The following SBF2 variants were observed in gnomAD, a reference collection of about 807,000 sequenced individuals.
SBF2 encodes the protein SET binding factor 2, also known as myotubularin-related protein 13.
A neutral mutation model predicts 225.2 loss-of-function variants in SBF2; 112 were observed. The observed-to-expected ratio is 0.50, with a 90% CI of 0.43 to 0.58. The LOEUF (loss-of-function observed/expected upper bound fraction) is 0.58. Among genes scored for constraint, SBF2 ranks in the 20% least tolerant of loss-of-function variants. The pLI is 0.00. For missense variants in SBF2, 1,996 were observed against 2,206.2 expected (o/e 0.90, Z 1.91); for synonymous variants, 763 against 773.3 (o/e 0.99, Z 0.22).
chr11:9,833,598 T>C (rs1855541173), intron 26 of SBF2, among the ~76,000 whole-genome samples: 1 of 151,982 alleles, frequency 6.6e-6, no homozygotes. Context: ...TTTTTTGTAT[T>C]TTCAATAGAG....
chr11:9,846,296 A>C (rs1293106238), intron 23 of SBF2, among the ~76,000 whole-genome samples: 1 of 152,196 alleles, frequency 6.6e-6, no homozygotes, highest in Admixed American at 6.5e-5. Flanking sequence ...CCAATAGGAG[A>C]GATCCTTGAC....
At chr11:9,842,575 C>T (rs1564904731) in intron 25 of SBF2, 50 bp downstream of exon 25, 1 of 1,574,632 alleles carries the variant, frequency 6.4e-7, no homozygotes, top group Non-Finnish European at 8.7e-7. Context: ...GTCTCTTATT[C>T]ATATAAGAAA....
rs750756174 is a variant in SBF2, at chr11:9,785,177, G to A, written c.5179C>T (p.Arg1727Ter). The A allele has an allele frequency of 6.2e-7, 1 of 1,613,912 alleles. No homozygotes were observed. The highest frequency in any genetic ancestry group is 8.5e-7 in the Non-Finnish European group (1 of 1,180,028). Residue 1727 changes from arginine to a stop codon, truncating the protein, a stop_gained, in exon 37 of 40, where the codon CGA becomes TGA. Coordinates refer to ENST00000256190, the MANE Select transcript of SBF2 (RefSeq NM_030962.4). LOFTEE classifies it high-confidence loss of function. ...TGGCTATAGAGCGTGGCTGCTCTTCGCTCCACTCCATTGGATGGGGAGATG... is the reference window on the plus strand; with the variant it reads ...TGGCTATAGAGCGTGGCTGCTCTTCACTCCACTCCATTGGATGGGGAGATG... ...SSISPSNGVE[R>*]RAATLYSQYT...
chr11:10,048,325 A>G (rs1035303670), intron 2 of SBF2, among the ~76,000 whole-genome samples: 1 of 152,150 alleles, frequency 6.6e-6, no homozygotes, highest in Non-Finnish European at 1.5e-5. Flanking sequence ...AGAGTCCCCA[A>G]TGTCAAAATT....
chr11:9,827,369 A>G (rs1163432096), intron 28 of SBF2, among the ~76,000 whole-genome samples: 1 of 152,096 alleles, frequency 6.6e-6, no homozygotes, highest in Non-Finnish European at 1.5e-5. Flanking sequence ...CCCAAAAAAT[A>G]TTTTAAAAAT....
intron 34 of SBF2, among the ~76,000 whole-genome samples, chr11:9,789,719 TTATG>T (rs1405068346): frequency 2.6e-5 from 4 of 152,136 alleles, no homozygotes; most frequent in African/African-American, 9.7e-5. Flanking sequence ...ACATGAATCA[TTATG>T]TATACCCCAG....
chr11:10,173,475 G>T (rs557070677), intron 2 of SBF2, among the ~76,000 whole-genome samples: 70 of 152,356 alleles, frequency 4.6e-4, no homozygotes, highest in African/African-American at 1.6e-3. Context: ...CGCCGCACCA[G>T]GAGATTATAT....
chr11:10,240,374 T>C (rs1198462070), intron 1 of SBF2, among the ~76,000 whole-genome samples: 1 of 151,938 alleles, frequency 6.6e-6, no homozygotes, highest in Non-Finnish European at 1.5e-5. Context: ...ATAGGAAAGA[T>C]GGGAACTTAA....
intron 32 of SBF2, among the ~76,000 whole-genome samples, chr11:9,798,795 AC>A (rs1853294651): frequency 1.3e-5 from 2 of 151,900 alleles, no homozygotes; most frequent in African/African-American, 2.4e-5. Flanking sequence ...AAATACAAAA[AC>A]AAAATTTTAG....
At chr11:9,922,846 G>A (rs1863739407) in intron 16 of SBF2, among the ~76,000 whole-genome samples, 1 of 152,134 alleles carries the variant, frequency 6.6e-6, no homozygotes, top group Admixed American at 6.5e-5. Context: ...ACTCCCTACA[G>A]AGCAAGTTCA....
chr11:9,984,005 T>C (rs1237547425), intron 13 of SBF2, among the ~76,000 whole-genome samples: 1 of 152,124 alleles, frequency 6.6e-6, no homozygotes, highest in Non-Finnish European at 1.5e-5. Context: ...CCTGGTAATA[T>C]GACAAAACAA....
intron 16 of SBF2, among the ~76,000 whole-genome samples, chr11:9,896,894 G>C (rs1012520639): frequency 6.6e-6 from 1 of 152,116 alleles, no homozygotes; most frequent in Non-Finnish European, 1.5e-5. Context: ...GAATAGAAAG[G>C]TCAGGAAATC....
At chr11:9,961,729 A>T in intron 16 of SBF2, 1 of 456,210 alleles carries the variant, frequency 2.2e-6, no homozygotes, top group South Asian at 2.9e-5. Context: ...TTACAGAACT[A>T]GTAAAATAAT....
chr11:10,054,271 T>C (rs956996620), intron 2 of SBF2, among the ~76,000 whole-genome samples: 6 of 152,202 alleles, frequency 3.9e-5, no homozygotes, highest in Non-Finnish European at 5.9e-5. Flanking sequence ...AGAGAATACA[T>C]ACAAACTGAC....
chr11:9,958,954 T>C (rs10840332), intron 16 of SBF2: 381,167 of 700,986 alleles, frequency 0.54, 104,978 homozygotes, highest in Admixed American at 0.65. Context: ...CATGGGAATG[T>C]GGATGTGGTA....
At chr11:9,850,549 T>G (rs554805410) in intron 21 of SBF2, among the ~76,000 whole-genome samples, 2 of 152,146 alleles carry the variant, frequency 1.3e-5, no homozygotes, top group East Asian at 3.9e-4. Context: ...TGAGCCACCA[T>G]AGAAAAGTAT....
At chr11:10,010,114 T>C (rs1948378403) in intron 6 of SBF2, among the ~76,000 whole-genome samples, 1 of 152,244 alleles carries the variant, frequency 6.6e-6, no homozygotes, top group Admixed American at 6.5e-5. Flanking sequence ...TCTTGTAAAT[T>C]TGAGTTCCTT....
At chr11:10,040,124 A>G (rs1426969960) in intron 3 of SBF2, among the ~76,000 whole-genome samples, 1 of 152,038 alleles carries the variant, frequency 6.6e-6, no homozygotes, top group Non-Finnish European at 1.5e-5. Context: ...ATCTAGGGGA[A>G]CATGATTGAT....
intron 24 of SBF2, among the ~76,000 whole-genome samples, chr11:9,844,671 T>A (rs1019518446): frequency 6.6e-6 from 1 of 152,174 alleles, no homozygotes; most frequent in African/African-American, 2.4e-5. Flanking sequence ...AATGTGAATA[T>A]AGACTCTGGG....
Sources: allele counts gnomAD v4.1 joint callset (sites outside exome capture counted in the v4.1 genomes callset), GRCh38; gene constraint gnomAD v4.1.1; transcripts MANE v1.5; gene names NCBI Gene and HGNC (gene_info 2026-07-23, HGNC 2026-07-21).